The following CRY1 variants were observed in gnomAD, a reference collection of about 807,000 sequenced individuals.
CRY1 encodes the protein cryptochrome circadian regulator 1.
CRY1 carries 45 observed loss-of-function variants against 76.0 expected under a neutral mutation model. The ratio of observed to expected loss-of-function variants is 0.59; its 90% CI spans 0.47 to 0.76. The LOEUF (loss-of-function observed/expected upper bound fraction) is 0.76, where lower values mean the gene tolerates loss of function less well. Ranked by LOEUF, CRY1 falls within the 30% of genes least tolerant of loss-of-function variation. The pLI, the probability that CRY1 is intolerant of heterozygous loss-of-function variation, is 0.00. For synonymous variants in CRY1, 248 were observed against 244.0 expected, an observed-to-expected ratio of 1.02 and a Z score of -0.15; for missense variants, 587 against 716.4, an observed-to-expected ratio of 0.82 and a Z score of 2.06.
At chr12:107,073,035 C>T (rs1194244663) in intron 1 of CRY1, 1 of 151,898 alleles carries the variant, frequency 6.6e-6, no homozygotes, top group Non-Finnish European at 1.5e-5. Context: ...TAGAGTGTAA[C>T]CTCAGTGTCA....
chr12:107,092,621 G>A (rs1397739508), intron 1 of CRY1, among the ~76,000 whole-genome samples, 183 bp downstream of exon 1: 1 of 152,224 alleles, frequency 6.6e-6, no homozygotes, highest in Non-Finnish European at 1.5e-5. Context: ...CAGGTCGTCA[G>A]TACTCTTTGG....
chr12:107,051,315 T>C (rs1178049012), intron 1 of CRY1, among the ~76,000 whole-genome samples: 1 of 152,206 alleles, frequency 6.6e-6, no homozygotes, highest in East Asian at 1.9e-4. Context: ...CCTGTATTAA[T>C]TTTTAAATAT....
chr12:107,058,099 C>G (rs1007718858), intron 1 of CRY1, among the ~76,000 whole-genome samples: 1 of 151,834 alleles, frequency 6.6e-6, no homozygotes, highest in Non-Finnish European at 1.5e-5. Flanking sequence ...CAGGAATATT[C>G]AAACTGAAGT....
At position 107,034,843 on chromosome 12, in the gene CRY1, G is replaced by T. The variant is rs1952716063; in HGVS notation, c.159-12651C>A. On this transcript the variant is annotated intron_variant, in intron 1 of 12. Coordinates refer to ENST00000008527, the MANE Select transcript of CRY1 (RefSeq NM_004075.5). Reference sequence around the variant, plus strand: ...TAAATACATAAATAAGCGTTTCAAAGGATTAAAATCACTTAATTTCTGGCA... The same window carrying T: ...TAAATACATAAATAAGCGTTTCAAATGATTAAAATCACTTAATTTCTGGCA... Among the ~76,000 whole-genome samples, 4 of 152,162 alleles carry T rather than the reference G, an allele frequency of 2.6e-5. No homozygotes were observed. In the South Asian group the frequency reaches 6.2e-4, roughly 24 times the overall value.
At chr12:107,061,851 A>G (rs767243230) in intron 1 of CRY1, among the ~76,000 whole-genome samples, 4 of 152,062 alleles carry the variant, frequency 2.6e-5, no homozygotes, top group Non-Finnish European at 5.9e-5. Flanking sequence ...AAACTTCACC[A>G]TCACAGTTCA....
chr12:107,091,458 T>C (rs921092190), intron 1 of CRY1, among the ~76,000 whole-genome samples: 1 of 152,198 alleles, frequency 6.6e-6, no homozygotes, highest in Non-Finnish European at 1.5e-5. Flanking sequence ...TTCAAGCCGT[T>C]ATCATCTCTC....
chr12:107,067,409 A>C (rs1953126125), intron 1 of CRY1, among the ~76,000 whole-genome samples: 1 of 152,216 alleles, frequency 6.6e-6, no homozygotes, highest in South Asian at 2.1e-4. Context: ...ATCAAATTTT[A>C]TCTCACAGAC....
chr12:107,034,803 C>T (rs974098671), intron 1 of CRY1, among the ~76,000 whole-genome samples: 6 of 151,878 alleles, frequency 4.0e-5, no homozygotes, highest in Admixed American at 2.6e-4. Flanking sequence ...TAAGTACTAT[C>T]GATACAGAAA....
chr12:107,026,214 T>C (rs913484339), intron 1 of CRY1, among the ~76,000 whole-genome samples: 1 of 113,220 alleles, frequency 8.8e-6, no homozygotes, highest in African/African-American at 5.7e-5. Context: ...CTAATGGATT[T>C]CAAATTAAGT....
At chr12:107,077,747 A>G (rs1953274507) in intron 1 of CRY1, among the ~76,000 whole-genome samples, 1 of 152,138 alleles carries the variant, frequency 6.6e-6, no homozygotes, top group South Asian at 2.1e-4. Flanking sequence ...CCTGTTCAGA[A>G]CCTATGCCTT....
intron 1 of CRY1, among the ~76,000 whole-genome samples, chr12:107,030,148 G>A (rs1437035139): frequency 6.6e-6 from 1 of 152,144 alleles, no homozygotes; most frequent in Non-Finnish European, 1.5e-5. Context: ...ATAAATTAAT[G>A]AAAGCAGAAG....
intron 2 of CRY1, among the ~76,000 whole-genome samples, chr12:107,014,239 T>C (rs1952474513): frequency 6.6e-6 from 1 of 152,150 alleles, no homozygotes; most frequent in Admixed American, 6.5e-5. Context: ...GCTAACCAGG[T>C]TATCTGTAGA....
At chr12:107,065,031 T>G (rs1671618101) in intron 1 of CRY1, among the ~76,000 whole-genome samples, 1 of 152,194 alleles carries the variant, frequency 6.6e-6, no homozygotes, top group Non-Finnish European at 1.5e-5. Flanking sequence ...GCATGGTGGC[T>G]CACACCATTT....
At chr12:107,037,178 G>C (rs113605924) in intron 1 of CRY1, among the ~76,000 whole-genome samples, 2 of 152,088 alleles carry the variant, frequency 1.3e-5, no homozygotes, top group Non-Finnish European at 2.9e-5. Flanking sequence ...GGGAATAAAG[G>C]CCCAGACACA....
intron 10 of CRY1, among the ~76,000 whole-genome samples, chr12:106,994,705 G>A (rs1472157274): frequency 1.3e-5 from 2 of 152,180 alleles, no homozygotes; most frequent in Admixed American, 6.5e-5. Context: ...ACAGGTTTGA[G>A]TGGTCTAAGA....
At chr12:107,023,384 C>T (rs1253991800) in intron 1 of CRY1, among the ~76,000 whole-genome samples, 4 of 152,152 alleles carry the variant, frequency 2.6e-5, no homozygotes, top group African/African-American at 2.4e-5. Flanking sequence ...CCTCAACAGC[C>T]ACATGTATAG....
At chr12:106,994,237 T>C (rs930145820) in intron 10 of CRY1, among the ~76,000 whole-genome samples, 1 of 152,144 alleles carries the variant, frequency 6.6e-6, no homozygotes, top group Non-Finnish European at 1.5e-5. Context: ...TTAATATTAA[T>C]AGCATAGCCC....
chr12:107,037,265 T>C (rs1169912612), intron 1 of CRY1, among the ~76,000 whole-genome samples: 1 of 151,840 alleles, frequency 6.6e-6, no homozygotes, highest in African/African-American at 2.4e-5. Context: ...GAAAGAATAA[T>C]AAGAAAATGG....
In CRY1 at chr12:107,008,216, A is replaced by G. The variant is rs144386138; in HGVS notation, c.268-2968T>C. 7.9e-3 allele frequency among the ~76,000 whole-genome samples: 1,206 copies of G among 152,324 alleles called. 7 individuals carry two copies. The highest frequency in any genetic ancestry group is 0.01 in the Non-Finnish European group (712 of 68,028). On this transcript the variant is annotated intron_variant, in intron 2 of 12. Transcript: ENST00000008527. ...CCCAGCTCCTTCTCCTAAACTCACC[A>G]ATGAGATCATTCACTTTTCCTTCCC...
Sources: allele counts gnomAD v4.1 joint callset (sites outside exome capture counted in the v4.1 genomes callset), GRCh38; gene constraint gnomAD v4.1.1; transcripts MANE v1.5; gene names NCBI Gene and HGNC (gene_info 2026-07-23, HGNC 2026-07-21).